The following GALNTL6 variants were observed in gnomAD, a reference collection of about 807,000 sequenced individuals.
GALNTL6 encodes the protein polypeptide N-acetylgalactosaminyltransferase like 6.
Under a neutral mutation model 73.7 loss-of-function variants are expected in GALNTL6, and 46 were observed. That is an observed-to-expected ratio of 0.62 (90% CI 0.49 to 0.80). The LOEUF (loss-of-function observed/expected upper bound fraction) is 0.80. Ranked by LOEUF, GALNTL6 falls within the 30% of genes least tolerant of loss-of-function variation. The pLI, the probability that GALNTL6 is intolerant of heterozygous loss-of-function variation, is 0.00. For missense variants in GALNTL6, 604 were observed against 755.0 expected (o/e 0.80, Z 2.34); for synonymous variants, 259 against 263.7 (o/e 0.98, Z 0.17).
intron 2 of GALNTL6, among the ~76,000 whole-genome samples, chr4:171,970,773 T>A (rs567548568): frequency 1.3e-5 from 2 of 152,198 alleles, no homozygotes; most frequent in Admixed American, 1.3e-4. Context: ...TGCAAAAATA[T>A]AACCATTGGC....
At chr4:172,700,764 C>T (rs1006504013) in intron 5 of GALNTL6, among the ~76,000 whole-genome samples, 2 of 152,158 alleles carry the variant, frequency 1.3e-5, no homozygotes, top group Non-Finnish European at 1.5e-5. Context: ...CTCCCTATTG[C>T]GTTGCAAAGG....
chr4:172,408,389 G>A (rs1308881353), intron 5 of GALNTL6, among the ~76,000 whole-genome samples: 2 of 151,934 alleles, frequency 1.3e-5, no homozygotes, highest in Non-Finnish European at 2.9e-5. Context: ...AAAGGCCTGT[G>A]TTTGGGATTT....
At chr4:172,488,336 G>T (rs1295465100) in intron 5 of GALNTL6, among the ~76,000 whole-genome samples, 1 of 152,194 alleles carries the variant, frequency 6.6e-6, no homozygotes, top group African/African-American at 2.4e-5. Flanking sequence ...GCCTAGTAAA[G>T]ATGGCTTCCC....
intron 2 of GALNTL6, among the ~76,000 whole-genome samples, chr4:172,017,775 T>C (rs1462418941): frequency 6.6e-6 from 1 of 152,072 alleles, no homozygotes; most frequent in African/African-American, 2.4e-5. Flanking sequence ...GGATTATTGC[T>C]CTTCTGGATC....
At position 171,971,755 on chromosome 4, in the gene GALNTL6, T is replaced by C. The variant is rs181992686; in HGVS notation, c.138+157037T>C. 7.7e-4 allele frequency among the ~76,000 whole-genome samples: 118 copies of C among 152,374 alleles called. No homozygotes were observed. In the Middle Eastern group the frequency reaches 0.014, roughly 18 times the overall value. ...TAAAAAAATATAGGATTTTGATATG[T>C]AACCAAAAATTGTTTTGTTGGATAA... is the stretch of plus-strand genomic sequence containing the variant. On this transcript the variant is annotated intron_variant, in intron 2 of 12. Coordinates refer to ENST00000506823, the MANE Select transcript of GALNTL6 (RefSeq NM_001034845.3).
intron 2 of GALNTL6, among the ~76,000 whole-genome samples, chr4:171,968,808 C>A (rs1179713723): frequency 6.7e-6 from 1 of 149,526 alleles, no homozygotes; most frequent in Non-Finnish European, 1.5e-5. Context: ...TTCGCAATCG[C>A]CCTCCCTTGT....
At chr4:172,626,979 C>T (rs1739194764) in intron 5 of GALNTL6, among the ~76,000 whole-genome samples, 2 of 151,956 alleles carry the variant, frequency 1.3e-5, no homozygotes, top group African/African-American at 4.8e-5. Context: ...TATTTAGATG[C>T]CTTATATTTA....
At chr4:171,871,580 G>T (rs1378268586) in intron 2 of GALNTL6, among the ~76,000 whole-genome samples, 2 of 151,762 alleles carry the variant, frequency 1.3e-5, no homozygotes, top group African/African-American at 2.4e-5. Flanking sequence ...CCGCATCCTT[G>T]TATGGAATTA....
intron 2 of GALNTL6, among the ~76,000 whole-genome samples, chr4:172,143,509 T>C (rs952550538): frequency 6.6e-6 from 1 of 152,092 alleles, no homozygotes; most frequent in Admixed American, 6.6e-5. Flanking sequence ...GTTTTGTTTT[T>C]TGTTTTACCT....
chr4:171,859,934 C>T (rs919765486), intron 2 of GALNTL6, among the ~76,000 whole-genome samples: 1 of 152,162 alleles, frequency 6.6e-6, no homozygotes, highest in Non-Finnish European at 1.5e-5. Context: ...AGGCCTCGGA[C>T]ATATAGAAAC....
rs78225646 is a variant in GALNTL6, at chr4:171,915,614, T to A, written c.138+100896T>A. Among the ~76,000 whole-genome samples, 461 of 152,328 alleles carry A rather than the reference T, an allele frequency of 3.0e-3. 2 individuals carry two copies. The highest frequency in any genetic ancestry group is 0.01 in the African/African-American group (436 of 41,584). On this transcript the variant is annotated intron_variant, in intron 2 of 12. Coordinates refer to ENST00000506823, the MANE Select transcript of GALNTL6 (RefSeq NM_001034845.3). ...ACACTGCTTTCCCAAATGTATTATT[T>A]TAGTATTTCTGCATGTGTACCACAA...
Position 172,269,377 on chromosome 4 carries a change from A to G in GALNTL6, c.247+39613A>G, listed in dbSNP as rs141400203. ...CCACAGCACAGAATGAGCTTGCCAGAAAAAGCACTGCACTTCTGCACTTTG... is the reference window on the plus strand; with the variant it reads ...CCACAGCACAGAATGAGCTTGCCAGGAAAAGCACTGCACTTCTGCACTTTG... On this transcript the variant is annotated intron_variant, in intron 3 of 12. Coordinates refer to ENST00000506823, the MANE Select transcript of GALNTL6 (RefSeq NM_001034845.3). 1.2e-3 allele frequency among the ~76,000 whole-genome samples: 189 copies of G among 152,350 alleles called. 1 individual carries two copies. Among genetic ancestry groups the G allele is most frequent in the African/African-American group, 4.1e-3 (172 of 41,598 alleles).
At chr4:172,063,009 A>G (rs551972983) in intron 2 of GALNTL6, among the ~76,000 whole-genome samples, 1 of 152,316 alleles carries the variant, frequency 6.6e-6, no homozygotes, top group East Asian at 1.9e-4. Context: ...CATTACTAGG[A>G]GCTATGTAAT....
At chr4:172,899,242 A>C (rs891935515) in intron 8 of GALNTL6, among the ~76,000 whole-genome samples, 1 of 152,176 alleles carries the variant, frequency 6.6e-6, no homozygotes, top group African/African-American at 2.4e-5. Flanking sequence ...TGTTGTCTTC[A>C]AAGTGTCATA....
At chr4:171,871,248 GAATAAAGTTC>G (rs1372081801) in intron 2 of GALNTL6, among the ~76,000 whole-genome samples, 1 of 145,948 alleles carries the variant, frequency 6.9e-6, no homozygotes, top group Non-Finnish European at 1.5e-5. Context: ...TACCTGCCTA[GAATAAAGTTC>G]AATGTATTAA....
rs1731583613 is a variant in GALNTL6 at position 172,072,821 on chromosome 4, CCTTT to C, written c.139-156830_139-156827del. Among the ~76,000 whole-genome samples, 7 of 152,270 alleles carry C rather than the reference CCTTT, an allele frequency of 4.6e-5. No individual in the cohort carries two copies. The South Asian group carries it at 1.5e-3, about 32-fold the overall frequency. The stretch of plus-strand genomic sequence containing the variant: ...TACCAATAGCCTTCTAAAAGACCTG[CCTTT>C]CTTTGTTCTTTTTCCTATGCAGTCT... On this transcript the variant is annotated intron_variant, in intron 2 of 12. Coordinates refer to ENST00000506823, the MANE Select transcript of GALNTL6 (RefSeq NM_001034845.3).
chr4:172,463,851 CA>C (rs1732702753), intron 5 of GALNTL6, among the ~76,000 whole-genome samples: 1 of 152,176 alleles, frequency 6.6e-6, no homozygotes, highest in African/African-American at 2.4e-5. Context: ...AATGCCCCCA[CA>C]ATATTTTGTT....
intron 2 of GALNTL6, among the ~76,000 whole-genome samples, chr4:171,998,681 G>T (rs1740574100): frequency 6.6e-6 from 1 of 152,108 alleles, no homozygotes; most frequent in Non-Finnish European, 1.5e-5. Context: ...TGTAGGTAAT[G>T]GTAAAGCATG....
chr4:172,456,577 C>T lies in GALNTL6; in HGVS notation c.553+107888C>T, dbSNP rs187733479. ...CATTCACAAGTATCAATAGCCAAAT[C>T]GATCAAGCAGAAGAAAGGATATCAG... On this transcript the variant is annotated intron_variant, in intron 5 of 12. Transcript: ENST00000506823. 5.9e-3 allele frequency among the ~76,000 whole-genome samples: 893 copies of T among 151,394 alleles called. 12 individuals carry two copies. Among genetic ancestry groups the T allele is most frequent in the African/African-American group, 0.021 (847 of 41,266 alleles).
Sources: allele counts gnomAD v4.1 joint callset (sites outside exome capture counted in the v4.1 genomes callset), GRCh38; gene constraint gnomAD v4.1.1; transcripts MANE v1.5; gene names NCBI Gene and HGNC (gene_info 2026-07-23, HGNC 2026-07-21).